TMCO4: variants seen among roughly 807,000 people sequenced by gnomAD.
TMCO4 encodes the protein transmembrane and coiled-coil domains 4, also known as transmembrane and coiled-coil domain-containing protein 4.
In TMCO4, 58 loss-of-function variants were observed where a neutral mutation model predicts 64.7. The ratio of observed to expected loss-of-function variants is 0.90; its 90% CI spans 0.73 to 1.12. The LOEUF (loss-of-function observed/expected upper bound fraction) is 1.12, where lower values mean the gene tolerates loss of function less well. Among genes scored for constraint, TMCO4 ranks in the 50% most tolerant of loss-of-function variants. The probability of loss-of-function intolerance (pLI) is 0.00; values close to 1 mark genes in which losing one functional copy is unlikely to be tolerated. For missense variants in TMCO4, 780 were observed against 825.9 expected (o/e 0.94, Z 0.68); for synonymous variants, 325 against 346.1 (o/e 0.94, Z 0.68).
intron 13 of TMCO4, among the ~76,000 whole-genome samples, chr1:19,731,826 G>A (rs1015978584): frequency 2.0e-5 from 3 of 152,192 alleles, no homozygotes; most frequent in African/African-American, 4.8e-5. Flanking sequence ...GGTCACACTC[G>A]AGTGCTTGGC....
intron 6 of TMCO4, among the ~76,000 whole-genome samples, chr1:19,767,620 A>G (rs898921497): frequency 5.9e-5 from 9 of 152,124 alleles, no homozygotes; most frequent in African/African-American, 2.2e-4. Flanking sequence ...GAAAGAGGGA[A>G]AGTTAGATTC....
At chr1:19,763,675 C>T (rs2042606646) in intron 6 of TMCO4, among the ~76,000 whole-genome samples, 1 of 152,168 alleles carries the variant, frequency 6.6e-6, no homozygotes, top group African/African-American at 2.4e-5. Context: ...CTAACCTCAC[C>T]CACCACCCTA....
At chr1:19,771,769 G>T (rs1293462607) in intron 4 of TMCO4, among the ~76,000 whole-genome samples, 2 of 152,158 alleles carry the variant, frequency 1.3e-5, no homozygotes, top group Non-Finnish European at 2.9e-5. Flanking sequence ...TGATTCTCCT[G>T]CCTCAGCCTC....
At position 19,683,285 on chromosome 1, in the gene TMCO4, C is replaced by T. The variant is rs370292527; in HGVS notation, c.1660G>A (p.Glu554Lys). ...RQAAAAASSG[E>K]TPHQVGQTQG... is the part of the protein sequence containing the mutation. The stretch of plus-strand genomic sequence containing the variant: ...GTTTGCCCAACCTGGTGGGGGGTCT[C>T]GCCTGATGAGGCGGCAGCTGCTGCC... The change falls in exon 16 of 16, where the codon GAG becomes AAG. Residue 554 changes from glutamate (E) to lysine (K), a missense_variant. Physicochemically the swap from Glu to Lys is moderately conservative, Grantham distance 56 (BLOSUM62 1). Coordinates refer to ENST00000294543, the MANE Select transcript of TMCO4 (RefSeq NM_181719.7). 6.2e-6 allele frequency: 10 copies of T among 1,614,024 alleles called. No individual in the cohort carries two copies. The African/African-American group carries it at 8.0e-5, about 13-fold the overall frequency.
At chr1:19,762,406 C>T (rs541700323) in intron 6 of TMCO4, among the ~76,000 whole-genome samples, 1 of 152,072 alleles carries the variant, frequency 6.6e-6, no homozygotes, top group Non-Finnish European at 1.5e-5. Flanking sequence ...TGCCAGACAC[C>T]CAGAACTGCG....
At chr1:19,729,281 C>A (rs1048688979) in intron 13 of TMCO4, among the ~76,000 whole-genome samples, 5 of 151,768 alleles carry the variant, frequency 3.3e-5, no homozygotes, top group African/African-American at 4.8e-5. Flanking sequence ...TGCCAAGTAG[C>A]GGGGAATACA....
rs771962126 is a variant in TMCO4, at chr1:19,694,392, TAAGCAAACGCA to T, written c.1500+31_1500+41del. On this transcript the variant is annotated intron_variant, in intron 15 of 15. Transcript: ENST00000294543. ...ACAGGGGTGGCTGGGCTGGAGCAAC[TAAGCAAACGCA>T]AAGCCCCAGGAGGAACAGGCCGACA... 1.3e-5 allele frequency: 20 copies of T among 1,574,518 alleles called. No individual in the cohort carries two copies. The African/African-American group carries it at 2.7e-4, about 21-fold the overall frequency.
chr1:19,719,711 T>G (rs2095372894), intron 13 of TMCO4, among the ~76,000 whole-genome samples: 1 of 152,054 alleles, frequency 6.6e-6, no homozygotes, highest in Non-Finnish European at 1.5e-5. Flanking sequence ...AAAAAAATTT[T>G]GGCTGGGTGC....
chr1:19,722,074 G>A (rs2095387089), intron 13 of TMCO4, among the ~76,000 whole-genome samples: 1 of 152,120 alleles, frequency 6.6e-6, no homozygotes, highest in Non-Finnish European at 1.5e-5. Flanking sequence ...ACTACCCTTC[G>A]CAGAGTAGTC....
intron 6 of TMCO4, among the ~76,000 whole-genome samples, chr1:19,764,248 G>A (rs2042632190): frequency 6.6e-6 from 1 of 152,188 alleles, no homozygotes; most frequent in African/African-American, 2.4e-5. Context: ...GAGCCCCGGG[G>A]CCTGTCTGGA....
intron 6 of TMCO4, 66 bp downstream of exon 6, chr1:19,770,476 C>T: frequency 1.3e-6 from 2 of 1,593,044 alleles, no homozygotes; most frequent in Admixed American, 3.3e-5. Context: ...GCACCTCTCA[C>T]TGGCTTTGCT....
intron 10 of TMCO4, among the ~76,000 whole-genome samples, chr1:19,742,799 T>C (rs868248276): frequency 1.3e-5 from 2 of 152,112 alleles, no homozygotes; most frequent in African/African-American, 2.4e-5. Context: ...ATAAAAGGTG[T>C]TGTATACTTT....
chr1:19,728,683 T>C (rs2095418256), intron 13 of TMCO4, among the ~76,000 whole-genome samples: 1 of 152,146 alleles, frequency 6.6e-6, no homozygotes, highest in East Asian at 1.9e-4. Flanking sequence ...CATTCCTACC[T>C]CCGTCTGCAT....
chr1:19,690,688 C>T (rs2095186030), intron 15 of TMCO4, among the ~76,000 whole-genome samples: 1 of 152,168 alleles, frequency 6.6e-6, no homozygotes, highest in Non-Finnish European at 1.5e-5. Flanking sequence ...ACCTCATTCC[C>T]ACAGAGAAGT....
chr1:19,728,630 C>T lies in TMCO4; in HGVS notation c.1264+8742G>A, dbSNP rs148096333. ...GCCTGGCTGGATCCAGGGCTCTGTA[C>T]TGGCCTTGGCTCTGTTGATTTGCTG... On this transcript the variant is annotated intron_variant, in intron 13 of 15. Coordinates refer to ENST00000294543, the MANE Select transcript of TMCO4 (RefSeq NM_181719.7). Among the ~76,000 whole-genome samples, 29 of 152,332 alleles carry T rather than the reference C, an allele frequency of 1.9e-4. No individual in the cohort carries two copies. The East Asian group carries it at 5.0e-3, about 26-fold the overall frequency.
intron 15 of TMCO4, among the ~76,000 whole-genome samples, chr1:19,688,638 T>C (rs2143291): frequency 0.12 from 18,693 of 152,208 alleles, 1,328 homozygotes; most frequent in East Asian, 0.23. Context: ...CAGGCAGTAC[T>C]GAAGCAGTGG....
At chr1:19,785,350 A>C (rs1306709780) in intron 3 of TMCO4, among the ~76,000 whole-genome samples, 1 of 152,038 alleles carries the variant, frequency 6.6e-6, no homozygotes, top group Non-Finnish European at 1.5e-5. Context: ...TCTTACCTAA[A>C]ATAATGTTTT....
chr1:19,716,882 G>T (rs907052504), intron 13 of TMCO4, among the ~76,000 whole-genome samples: 1 of 152,174 alleles, frequency 6.6e-6, no homozygotes, highest in Non-Finnish European at 1.5e-5. Flanking sequence ...AGGAAGCTGA[G>T]CGGGTGAGAA....
intron 13 of TMCO4, among the ~76,000 whole-genome samples, chr1:19,709,210 C>T (rs955956641): frequency 1.3e-5 from 2 of 152,036 alleles, no homozygotes; most frequent in African/African-American, 4.8e-5. Flanking sequence ...AATGACTAAA[C>T]CTTCATCTCT....
Sources: gnomAD v4.1 joint callset for allele counts (sites outside exome capture counted in the v4.1 genomes callset) on GRCh38, gnomAD v4.1.1 for gene constraint, MANE v1.5 for transcripts, NCBI Gene and HGNC (gene_info 2026-07-23, HGNC 2026-07-21) for gene names.